The following BAIAP2L1 variants were observed in gnomAD, a reference collection of about 807,000 sequenced individuals.
BAIAP2L1 encodes BAR/IMD domain containing adaptor protein 2 like 1.
Under a neutral mutation model 66.3 loss-of-function variants are expected in BAIAP2L1, and 35 were observed. The ratio of observed to expected loss-of-function variants is 0.53; its 90% confidence interval spans 0.40 to 0.70. BAIAP2L1 has a LOEUF of 0.70. BAIAP2L1 is among the 30% of genes least tolerant of loss of function. The pLI, the probability that BAIAP2L1 is intolerant of heterozygous loss-of-function variation, is 0.00. For missense variants in BAIAP2L1, 622 were observed against 656.9 expected (o/e 0.95, Z 0.58); for synonymous variants, 269 against 248.7 (o/e 1.08, Z -0.77).
At chr7:98,390,040 C>T (rs947373375) in intron 1 of BAIAP2L1, among the ~76,000 whole-genome samples, 6 of 151,058 alleles carry the variant, frequency 4.0e-5, no homozygotes, top group African/African-American at 1.5e-4. Context: ...TTCAGCCTCC[C>T]GAGTAGCTGG....
In BAIAP2L1 at chr7:98,364,986, C is replaced by CAAAAAAAAAAAAAAAAAA. The variant is rs531177927; in HGVS notation, c.52-2572_52-2555dup. ...TGGGTGACAGAGTGAGGATATGTCTCAAAAAAAAAAAAAAAAAAAAAAAAA... is the reference window on the plus strand; with the variant it reads ...TGGGTGACAGAGTGAGGATATGTCTCAAAAAAAAAAAAAAAAAAAAAAAAAAAAAAAAAAAAAAAAAAA... On this transcript the variant is annotated intron_variant, in intron 1 of 13. Transcript: ENST00000005260. 1.6e-4 allele frequency among the ~76,000 whole-genome samples: 5 copies of CAAAAAAAAAAAAAAAAAA among 30,800 alleles called. 1 individual carries two copies. Among genetic ancestry groups the CAAAAAAAAAAAAAAAAAA allele is most frequent in the Non-Finnish European group, 2.7e-4 (5 of 18,656 alleles). 20.2% of individuals were successfully genotyped at this position (30,800 alleles called of 152,430 possible).
At chr7:98,375,372 C>T (rs1361396477) in intron 1 of BAIAP2L1, among the ~76,000 whole-genome samples, 2 of 148,388 alleles carry the variant, frequency 1.3e-5, no homozygotes, top group Non-Finnish European at 3.0e-5. Context: ...CCAGCCCAGG[C>T]GACAGTACAA....
Position 98,388,171 on chromosome 7 carries a change from T to C in BAIAP2L1, c.51+12631A>G, listed in dbSNP as rs1802942526. On this transcript the variant is annotated intron_variant, in intron 1 of 13. Transcript: ENST00000005260. ...CCAGATGCTATTCTAAGAGCTTTCA[T>C]GTATGACTGCGTTTAATCTTCACAG... is the stretch of plus-strand genomic sequence containing the variant. Among the ~76,000 whole-genome samples, 11 of 152,328 alleles carry C rather than the reference T, an allele frequency of 7.2e-5. No individual in the cohort carries two copies. The South Asian group carries it at 2.3e-3, about 32-fold the overall frequency.
Position 98,293,560 on chromosome 7 carries a change from C to A in BAIAP2L1, c.1497G>T (p.Pro499=). Residue 499 remains proline, a synonymous_variant, in exon 14 of 14, where the codon CCG becomes CCT. Transcript: ENST00000005260. ...GTGCCGAGCGATCATTCGTCACAGTCGGGCGGAGTTTCACAGTGGCAAAGG... is the reference window on the plus strand; with the variant it reads ...GTGCCGAGCGATCATTCGTCACAGTAGGGCGGAGTTTCACAGTGGCAAAGG... ...ENPFATVKLR[P]TVTNDRSAPI... is the part of the protein sequence containing the mutation. 1 of 1,613,860 alleles carries A rather than the reference C, an allele frequency of 6.2e-7. No individual in the cohort carries two copies. The highest frequency in any genetic ancestry group is 8.5e-7 in the Non-Finnish European group (1 of 1,179,940).
chr7:98,355,912 ACC>A (rs1226109726), intron 2 of BAIAP2L1, among the ~76,000 whole-genome samples: 1 of 152,152 alleles, frequency 6.6e-6, no homozygotes, highest in Non-Finnish European at 1.5e-5. Context: ...TTGAGCCACA[ACC>A]AACCAACCTA....
chr7:98,305,057 T>TG lies in BAIAP2L1; in HGVS notation c.1242-682_1242-681insC, dbSNP rs1240513416. On this transcript the variant is annotated intron_variant, in intron 11 of 13. Coordinates refer to ENST00000005260, the MANE Select transcript of BAIAP2L1 (RefSeq NM_018842.5). ...ATTTTTTTGTTTTTTGTTTTTTTTTTTTTTTTTTTTTTTAGTAGAGACGGG... is the reference window on the plus strand; with the variant it reads ...ATTTTTTTGTTTTTTGTTTTTTTTTTGTTTTTTTTTTTTTAGTAGAGACGGG... 3.5e-5 allele frequency among the ~76,000 whole-genome samples: 5 copies of TG among 142,240 alleles called. No homozygotes were observed. The East Asian group carries it at 8.0e-4, about 23-fold the overall frequency. The allele number at this position is 142,240 out of a possible 152,430, so 93.3% of individuals were successfully genotyped here. A position where few individuals can be genotyped will look rare whatever the true frequency, so the allele number is the denominator to read the frequency against.
At chr7:98,299,299 GT>G (rs1243384081) in intron 12 of BAIAP2L1, among the ~76,000 whole-genome samples, 1 of 151,902 alleles carries the variant, frequency 6.6e-6, no homozygotes, top group Non-Finnish European at 1.5e-5. Flanking sequence ...GATTACAGGT[GT>G]GAGCCACCAC....
chr7:98,382,638 A>G (rs1402541819), intron 1 of BAIAP2L1, among the ~76,000 whole-genome samples: 2 of 152,220 alleles, frequency 1.3e-5, no homozygotes, highest in East Asian at 1.9e-4. Flanking sequence ...CACAGATACC[A>G]TAACTCTATA....
chr7:98,363,392 ATGGGCCAGACCC>A, intron 1 of BAIAP2L1, among the ~76,000 whole-genome samples: 1 of 152,226 alleles, frequency 6.6e-6, no homozygotes, highest in South Asian at 2.1e-4. Context: ...AGTAACTACC[ATGGGCCAGACCC>A]TGTGCACACA....
rs1800044792 is a variant in BAIAP2L1 at position 98,293,249 on chromosome 7, T to C, written c.*272A>G. 5.3e-6 allele frequency: 2 copies of C among 375,552 alleles called. No individual in the cohort carries two copies. Among genetic ancestry groups the C allele is most frequent in the African/African-American group, 2.1e-5 (1 of 48,698 alleles). 23.3% of individuals were successfully genotyped at this position (375,552 alleles called of 1,614,324 possible). On this transcript the variant is annotated 3_prime_UTR_variant, in exon 14 of 14. Coordinates refer to ENST00000005260, the MANE Select transcript of BAIAP2L1 (RefSeq NM_018842.5). ...ATTCATTTAAAAAATACAGTAAAGA[T>C]TGAAACCAAGTTTACTGTTTCTTGA... is the stretch of plus-strand genomic sequence containing the variant.
chr7:98,367,517 C>T (rs185661519), intron 1 of BAIAP2L1, among the ~76,000 whole-genome samples: 12 of 148,214 alleles, frequency 8.1e-5, no homozygotes, highest in African/African-American at 2.7e-4. Flanking sequence ...ATTATAGGCG[C>T]GCACCACCAC....
At chr7:98,347,176 G>GAGA (rs34524855) in intron 3 of BAIAP2L1, among the ~76,000 whole-genome samples, 152,255 of 152,310 alleles carry the variant, frequency 1, 76,100 homozygotes, top group Middle Eastern at 1. Context: ...CCTAAGCCAT[G>GAGA]AGAAGGTGGT....
intron 1 of BAIAP2L1, among the ~76,000 whole-genome samples, chr7:98,381,407 C>CA (rs773699581): frequency 1.3e-5 from 2 of 152,148 alleles, no homozygotes; most frequent in Non-Finnish European, 2.9e-5. Context: ...ATTGTCCTTC[C>CA]AGGTGCAAAG....
intron 1 of BAIAP2L1, among the ~76,000 whole-genome samples, chr7:98,387,440 G>A (rs770904498): frequency 2.0e-5 from 3 of 152,112 alleles, no homozygotes; most frequent in Non-Finnish European, 4.4e-5. Context: ...TTACTGACAC[G>A]ATCTCAGTGC....
At chr7:98,387,017 A>G (rs2115827011) in intron 1 of BAIAP2L1, among the ~76,000 whole-genome samples, 1 of 152,180 alleles carries the variant, frequency 6.6e-6, no homozygotes, top group South Asian at 2.1e-4. Flanking sequence ...ACTTCCTTAA[A>G]GACTGTACAT....
intron 3 of BAIAP2L1, among the ~76,000 whole-genome samples, chr7:98,354,267 C>T (rs1802070478): frequency 6.6e-6 from 1 of 152,088 alleles, no homozygotes; most frequent in Non-Finnish European, 1.5e-5. Context: ...AACCATGTGA[C>T]TTGCCCGCAC....
At chr7:98,377,168 T>TATAC (rs1802653264) in intron 1 of BAIAP2L1, among the ~76,000 whole-genome samples, 1 of 152,198 alleles carries the variant, frequency 6.6e-6, no homozygotes, top group African/African-American at 2.4e-5. Flanking sequence ...TAGATATACA[T>TATAC]ATACATACAT....
intron 3 of BAIAP2L1, among the ~76,000 whole-genome samples, chr7:98,330,039 A>G (rs1801458615): frequency 1.3e-5 from 2 of 152,206 alleles, no homozygotes; most frequent in Non-Finnish European, 2.9e-5. Context: ...CGTTAAATCC[A>G]TGCTAACTCC....
chr7:98,394,877 C>T (rs957216046), intron 1 of BAIAP2L1, among the ~76,000 whole-genome samples: 21 of 152,300 alleles, frequency 1.4e-4, no homozygotes, highest in African/African-American at 4.3e-4. Context: ...TTTGGGAAGC[C>T]GAGGCAGGCG....
Sources: gnomAD v4.1 joint callset for allele counts (sites outside exome capture counted in the v4.1 genomes callset) on GRCh38, gnomAD v4.1.1 for gene constraint, MANE v1.5 for transcripts, NCBI Gene and HGNC (gene_info 2026-07-23, HGNC 2026-07-21) for gene names.